MAGI1: variants seen among roughly 807,000 people sequenced by gnomAD.
MAGI1 encodes the protein membrane-associated guanylate kinase, WW and PDZ domain-containing protein 1.
In MAGI1, 58 loss-of-function variants were observed where a neutral mutation model predicts 139.9. That is an observed-to-expected ratio of 0.41 (90% confidence interval 0.34 to 0.52). MAGI1 has a LOEUF of 0.52. Ranked by LOEUF, MAGI1 falls within the 20% of genes least tolerant of loss-of-function variation. MAGI1 has a pLI of 0.12. For synonymous variants in MAGI1, 812 were observed against 737.9 expected (o/e 1.10, Z -1.63); for missense variants, 1,874 against 1,901.6 (o/e 0.99, Z 0.27).
At chr3:65,520,384 C>T (rs2078097816) in intron 2 of MAGI1, among the ~76,000 whole-genome samples, 1 of 152,098 alleles carries the variant, frequency 6.6e-6, no homozygotes. Context: ...GCCAGAAAAA[C>T]TTATATTTGA....
chr3:65,957,772 T>A (rs1245303008), intron 1 of MAGI1, among the ~76,000 whole-genome samples: 1 of 151,966 alleles, frequency 6.6e-6, no homozygotes, highest in Non-Finnish European at 1.5e-5. Flanking sequence ...GTTGTTGTTG[T>A]TTTGTTTTGT....
chr3:65,930,039 G>A (rs1323904078), intron 1 of MAGI1, among the ~76,000 whole-genome samples: 1 of 152,026 alleles, frequency 6.6e-6, no homozygotes, highest in Non-Finnish European at 1.5e-5. Context: ...TTTCTAGGCC[G>A]GGCGCGTTGG....
rs145631976 is a variant in MAGI1 at position 65,555,588 on chromosome 3, G to A, written c.431-61957C>T. ...AAATATGAACACCCAGCCTGGTATGGTGGCTCATGCCTGTAATCTCAGCAA... is the reference window on the plus strand; with the variant it reads ...AAATATGAACACCCAGCCTGGTATGATGGCTCATGCCTGTAATCTCAGCAA... On this transcript the variant is annotated intron_variant, in intron 2 of 22. Transcript: ENST00000402939. Among the ~76,000 whole-genome samples the A allele has an allele frequency of 3.9e-5, 6 of 152,300 alleles. No homozygotes were observed. In the East Asian group the frequency reaches 1.2e-3, roughly 29 times the overall value.
In MAGI1 at chr3:65,411,638, T is replaced by C. The variant is rs28428838; in HGVS notation, c.2168-10168A>G. On this transcript the variant is annotated intron_variant, in intron 12 of 22. Coordinates refer to ENST00000402939, the MANE Select transcript of MAGI1 (RefSeq NM_001033057.2). ...CCCAAAGGAAAACCTATCACTGTAA[T>C]TGGTGCTGAGAAGCTTGTAGGTTAA... Among the ~76,000 whole-genome samples the C allele has an allele frequency of 3.6e-3, 548 of 152,292 alleles. 5 individuals are homozygous for C. The highest frequency in any genetic ancestry group is 0.013 in the African/African-American group (534 of 41,552).
chr3:65,800,766 T>TG lies in MAGI1; in HGVS notation c.314-178679dup, dbSNP rs751956823. On this transcript the variant is annotated intron_variant, in intron 1 of 22. Coordinates refer to ENST00000402939, the MANE Select transcript of MAGI1 (RefSeq NM_001033057.2). ...CCATTCCTATGGTTTCCAAGTATTT[T>TG]GATGTTAGCTTCTACCAGGACTGCC... 3.0e-3 allele frequency among the ~76,000 whole-genome samples: 450 copies of TG among 152,336 alleles called. 1 individual carries two copies. Among genetic ancestry groups the TG allele is most frequent in the Non-Finnish European group, 5.0e-3 (343 of 68,034 alleles).
chr3:65,593,401 T>TGG lies in MAGI1; in HGVS notation c.430+28569_430+28570dup, dbSNP rs1401029278. ...GCAAGGACTAGTAGATTGTGAAGGA[T>TGG]GGGGGGGAAAGGAGATTCTTTAATC... On this transcript the variant is annotated intron_variant, in intron 2 of 22. Coordinates refer to ENST00000402939, the MANE Select transcript of MAGI1 (RefSeq NM_001033057.2). 2.0e-4 allele frequency among the ~76,000 whole-genome samples: 30 copies of TGG among 147,402 alleles called. No individual in the cohort carries two copies. In the Admixed American group the frequency reaches 2.0e-3, roughly 10 times the overall value.
At chr3:65,699,029 A>AGAAAAAAACAAACAACCCCATC (rs2089413809) in intron 1 of MAGI1, among the ~76,000 whole-genome samples, 1 of 130,270 alleles carries the variant, frequency 7.7e-6, no homozygotes, top group African/African-American at 3.1e-5. Flanking sequence ...CAAATTTACA[A>AGAAAAAAACAAACAACCCCATC]GAAAAAAACA....
intron 1 of MAGI1, among the ~76,000 whole-genome samples, chr3:65,960,943 A>C (rs2064392522): frequency 2.0e-5 from 3 of 152,228 alleles, no homozygotes; most frequent in Admixed American, 1.3e-4. Flanking sequence ...CCTTGGCTCT[A>C]AGCTATAAGT....
Position 65,692,920 on chromosome 3 carries a change from T to C in MAGI1, c.314-70832A>G, listed in dbSNP as rs148214793. ...CCAACTTCCACAATTGTAAGAAATA[T>C]TGCTTTTTTGAGACAGGGTCTCAAC... On this transcript the variant is annotated intron_variant, in intron 1 of 22. Coordinates refer to ENST00000402939, the MANE Select transcript of MAGI1 (RefSeq NM_001033057.2). Among the ~76,000 whole-genome samples, 6 of 152,160 alleles carry C rather than the reference T, an allele frequency of 3.9e-5. No individual in the cohort carries two copies. The East Asian group carries it at 9.7e-4, about 25-fold the overall frequency.
chr3:65,776,990 T>C (rs1186235295), intron 1 of MAGI1, among the ~76,000 whole-genome samples: 1 of 152,074 alleles, frequency 6.6e-6, no homozygotes, highest in East Asian at 1.9e-4. Flanking sequence ...TCATCTTTCA[T>C]CTCCCTGAAG....
intron 22 of MAGI1, among the ~76,000 whole-genome samples, 189 bp from the exon 23 acceptor site, chr3:65,357,321 T>C (rs925035787): frequency 1.2e-4 from 18 of 152,176 alleles, no homozygotes; most frequent in African/African-American, 4.3e-4. Context: ...AAACTAGTAC[T>C]TGTGGCTTTC....
intron 2 of MAGI1, among the ~76,000 whole-genome samples, chr3:65,549,115 G>C (rs577973217): frequency 6.6e-6 from 1 of 152,098 alleles, no homozygotes; most frequent in Non-Finnish European, 1.5e-5. Flanking sequence ...GGCGCGGGCC[G>C]AGATGCTCGC....
chr3:65,667,874 C>A (rs570958001), intron 1 of MAGI1, among the ~76,000 whole-genome samples: 1 of 152,222 alleles, frequency 6.6e-6, no homozygotes, highest in South Asian at 2.1e-4. Flanking sequence ...AAGAAGAAAC[C>A]AATTTTTTTT....
At chr3:65,864,511 C>T (rs1380312578) in intron 1 of MAGI1, among the ~76,000 whole-genome samples, 18 of 152,236 alleles carry the variant, frequency 1.2e-4, no homozygotes, top group African/African-American at 3.9e-4. Context: ...CACCCGTCAG[C>T]GAGACGGCAG....
chr3:65,443,640 A>C (rs1205231444), intron 7 of MAGI1, among the ~76,000 whole-genome samples: 1 of 152,164 alleles, frequency 6.6e-6, no homozygotes, highest in Non-Finnish European at 1.5e-5. Flanking sequence ...GGCCCACTGC[A>C]CCATATTATT....
rs62244996 is a variant in MAGI1, at chr3:65,633,949, T to C, written c.314-11861A>G. Among the ~76,000 whole-genome samples, 870 of 152,338 alleles carry C rather than the reference T, an allele frequency of 5.7e-3. 4 individuals are homozygous for C. Among genetic ancestry groups the C allele is most frequent in the Non-Finnish European group, 9.7e-3 (660 of 68,040 alleles). On this transcript the variant is annotated intron_variant, in intron 1 of 22. Transcript: ENST00000402939. ...TGCCCTTTGAGAATATTCTAAATTC[T>C]TGAAAAGATACTCTATTAGAATTCT...
chr3:65,495,908 A>G (rs1452316455), intron 2 of MAGI1, among the ~76,000 whole-genome samples: 1 of 152,142 alleles, frequency 6.6e-6, no homozygotes, highest in Non-Finnish European at 1.5e-5. Flanking sequence ...TACAGTGATG[A>G]AAAAAGGGCT....
At chr3:65,602,768 A>G (rs1193845445) in intron 2 of MAGI1, among the ~76,000 whole-genome samples, 1 of 152,076 alleles carries the variant, frequency 6.6e-6, no homozygotes, top group African/African-American at 2.4e-5. Context: ...TATACTGGAC[A>G]CTATTGGCAA....
At chr3:65,430,662 C>G in intron 11 of MAGI1, 37 bp downstream of exon 11, 2 of 1,596,598 alleles carry the variant, frequency 1.3e-6, no homozygotes, top group Non-Finnish European at 1.7e-6. Context: ...ATTGGAGTCT[C>G]ACCACACAGA....
Sources: gnomAD v4.1 joint callset for allele counts (sites outside exome capture counted in the v4.1 genomes callset) on GRCh38, gnomAD v4.1.1 for gene constraint, MANE v1.5 for transcripts, NCBI Gene and HGNC (gene_info 2026-07-23, HGNC 2026-07-21) for gene names.